The following SPNS3 variants were observed in gnomAD, a reference collection of about 807,000 sequenced individuals.
SPNS3 encodes protein spinster homolog 3.
Under a neutral mutation model 54.4 loss-of-function variants are expected in SPNS3, and 51 were observed. The observed-to-expected ratio is 0.94, with a 90% CI of 0.75 to 1.18. The LOEUF (loss-of-function observed/expected upper bound fraction) is 1.18, where lower values mean the gene tolerates loss of function less well. Ranked by LOEUF, SPNS3 falls within the 50% of genes most tolerant of loss-of-function variation. SPNS3 has a pLI of 0.00. For synonymous variants in SPNS3, 309 were observed against 294.7 expected, an observed-to-expected ratio of 1.05 and a Z score of -0.50; for missense variants, 669 against 677.4, an observed-to-expected ratio of 0.99 and a Z score of 0.14.
chr17:4,474,382 C>A (rs1400160521), intron 8 of SPNS3, among the ~76,000 whole-genome samples: 1 of 152,260 alleles, frequency 6.6e-6, no homozygotes, highest in East Asian at 1.9e-4. Flanking sequence ...CTGGCTCAGG[C>A]AAAGAGATCG....
intron 7 of SPNS3, among the ~76,000 whole-genome samples, chr17:4,451,661 ATTTGTTTTGT>A (rs149329433): frequency 6.6e-6 from 1 of 150,510 alleles, no homozygotes; most frequent in Non-Finnish European, 1.5e-5. Context: ...GAGCTCCTTT[ATTTGTTTTGT>A]TTTGTTTTGT....
At chr17:4,465,023 G>A (rs186328250) in intron 8 of SPNS3, among the ~76,000 whole-genome samples, 4 of 152,320 alleles carry the variant, frequency 2.6e-5, no homozygotes, top group Non-Finnish European at 5.9e-5. Flanking sequence ...AAATTTAATG[G>A]CTTAAAACAA....
At chr17:4,435,900 C>G (rs1221009970) in intron 1 of SPNS3, among the ~76,000 whole-genome samples, 1 of 152,142 alleles carries the variant, frequency 6.6e-6, no homozygotes, top group Non-Finnish European at 1.5e-5. Flanking sequence ...CCACTGCACT[C>G]CAGCCTGGGC....
chr17:4,447,408 G>A (rs1231402854), intron 5 of SPNS3, among the ~76,000 whole-genome samples: 1 of 152,230 alleles, frequency 6.6e-6, no homozygotes, highest in African/African-American at 2.4e-5. Flanking sequence ...AGGCCCCGCT[G>A]GGGCTCCAGC....
intron 9 of SPNS3, chr17:4,482,168 G>C (rs967367158): frequency 6.6e-6 from 1 of 152,322 alleles, no homozygotes; most frequent in African/African-American, 2.4e-5. Context: ...TTATAGGTGT[G>C]AGCCACTGCG....
intron 1 of SPNS3, among the ~76,000 whole-genome samples, chr17:4,434,456 T>G (rs1042497184): frequency 6.6e-6 from 1 of 152,116 alleles, no homozygotes; most frequent in East Asian, 1.9e-4. Context: ...GCCCAGGAGT[T>G]TGAGACCAAC....
intron 9 of SPNS3, among the ~76,000 whole-genome samples, chr17:4,481,497 C>G (rs940567030): frequency 6.6e-6 from 1 of 152,060 alleles, no homozygotes; most frequent in African/African-American, 2.4e-5. Context: ...GGCACGTTCA[C>G]GTGAACAGCT....
At chr17:4,444,632 G>C (rs1001501) in intron 2 of SPNS3, among the ~76,000 whole-genome samples, 1 of 152,078 alleles carries the variant, frequency 6.6e-6, no homozygotes, top group African/African-American at 2.4e-5. Context: ...TGAAAAATCA[G>C]ACCTGTCCCC....
chr17:4,440,988 C>T (rs1597302192), intron 2 of SPNS3, among the ~76,000 whole-genome samples: 1 of 152,152 alleles, frequency 6.6e-6, no homozygotes, highest in East Asian at 1.9e-4. Flanking sequence ...ATCAGTTTGA[C>T]GTCTAATTGC....
chr17:4,436,241 G>T (rs1970716514), intron 1 of SPNS3, among the ~76,000 whole-genome samples: 1 of 152,142 alleles, frequency 6.6e-6, no homozygotes, highest in African/African-American at 2.4e-5. Flanking sequence ...TGAGACCTGG[G>T]CATCGATCTG....
chr17:4,477,205 T>A (rs1041724853), intron 8 of SPNS3, among the ~76,000 whole-genome samples: 1 of 152,260 alleles, frequency 6.6e-6, no homozygotes, highest in Admixed American at 6.5e-5. Context: ...GCTTGATGCA[T>A]GCCCTCTGGC....
chr17:4,479,128 G>T (rs1237989115), intron 9 of SPNS3, among the ~76,000 whole-genome samples: 1 of 150,050 alleles, frequency 6.7e-6, no homozygotes. Context: ...TTTTAGTAGA[G>T]ACAGGGTTTC....
intron 8 of SPNS3, among the ~76,000 whole-genome samples, chr17:4,456,105 C>T (rs1305234980): frequency 1.3e-5 from 2 of 152,258 alleles, no homozygotes; most frequent in East Asian, 1.9e-4. Context: ...GCGTGCACCA[C>T]CACACCAGGC....
intron 8 of SPNS3, among the ~76,000 whole-genome samples, chr17:4,469,008 G>A (rs111245846): frequency 2.6e-5 from 4 of 151,760 alleles, no homozygotes; most frequent in Non-Finnish European, 5.9e-5. Context: ...GGCTGGTCTC[G>A]AACTCCTGAC....
chr17:4,460,720 G>A (rs1460637869), intron 8 of SPNS3, among the ~76,000 whole-genome samples: 4 of 151,976 alleles, frequency 2.6e-5, no homozygotes, highest in Admixed American at 1.3e-4. Context: ...GGGATTACAG[G>A]TGTGAGCCAC....
intron 8 of SPNS3, among the ~76,000 whole-genome samples, chr17:4,472,440 TGAG>T (rs1424826480): frequency 6.6e-6 from 1 of 152,154 alleles, no homozygotes; most frequent in Non-Finnish European, 1.5e-5. Flanking sequence ...CTCAGGCAAA[TGAG>T]GAGTCTGTGA....
At chr17:4,454,201 G>T (rs56158347) in intron 8 of SPNS3, among the ~76,000 whole-genome samples, 8,940 of 152,312 alleles carry the variant, frequency 0.059, 328 homozygotes, top group Middle Eastern at 0.13. Flanking sequence ...CACAGACAGG[G>T]AGCCCAAAGG....
chr17:4,447,440 A>G (rs1971029374), intron 5 of SPNS3, among the ~76,000 whole-genome samples: 1 of 152,240 alleles, frequency 6.6e-6, no homozygotes, highest in African/African-American at 2.4e-5. Flanking sequence ...CAACGTGGGC[A>G]TGGAGAGGGA....
chr17:4,454,609 GCT>G, intron 8 of SPNS3, among the ~76,000 whole-genome samples: 1 of 117,528 alleles, frequency 8.5e-6, no homozygotes, highest in Non-Finnish European at 1.7e-5. Flanking sequence ...TCCAAATAAA[GCT>G]TTTTTTTTTT....
Sources: gnomAD v4.1 joint callset for allele counts (sites outside exome capture counted in the v4.1 genomes callset) on GRCh38, gnomAD v4.1.1 for gene constraint, MANE v1.5 for transcripts, NCBI Gene and HGNC (gene_info 2026-07-23, HGNC 2026-07-21) for gene names.